SULF1: variants seen among roughly 807,000 people sequenced by gnomAD.
SULF1 encodes the protein sulfatase 1.
A neutral mutation model predicts 110.5 loss-of-function variants in SULF1; 46 were observed. The observed-to-expected ratio is 0.42, with a 90% CI of 0.33 to 0.53. The LOEUF (loss-of-function observed/expected upper bound fraction) is 0.53. Among genes scored for constraint, SULF1 ranks in the 20% least tolerant of loss-of-function variants. SULF1 has a pLI of 0.12. For synonymous variants in SULF1, 371 were observed against 387.1 expected, an observed-to-expected ratio of 0.96 and a Z score of 0.49; for missense variants, 941 against 1,094.2, an observed-to-expected ratio of 0.86 and a Z score of 1.98.
chr8:69,615,532 T>G (rs1809026639), intron 13 of SULF1, among the ~76,000 whole-genome samples: 1 of 152,262 alleles, frequency 6.6e-6, no homozygotes, highest in South Asian at 2.1e-4. Context: ...TAATTGACAT[T>G]TTTGTTCATG....
chr8:69,637,387 G>A (rs1304159198), intron 19 of SULF1, among the ~76,000 whole-genome samples: 1 of 152,140 alleles, frequency 6.6e-6, no homozygotes, highest in Non-Finnish European at 1.5e-5. Flanking sequence ...TTAATGTTGC[G>A]AGTTGTCTCC....
At chr8:69,552,532 A>C (rs1336413018) in intron 3 of SULF1, among the ~76,000 whole-genome samples, 1 of 152,234 alleles carries the variant, frequency 6.6e-6, no homozygotes, top group African/African-American at 2.4e-5. Context: ...GTACATAAGG[A>C]CATTTTTCTT....
intron 19 of SULF1, among the ~76,000 whole-genome samples, chr8:69,634,979 A>T (rs1810870641): frequency 6.6e-6 from 1 of 152,106 alleles, no homozygotes; most frequent in Non-Finnish European, 1.5e-5. Context: ...TATTTTTAGT[A>T]GAGAAGGGGT....
intron 13 of SULF1, among the ~76,000 whole-genome samples, chr8:69,606,604 T>C (rs1466235436): frequency 6.6e-6 from 1 of 152,236 alleles, no homozygotes; most frequent in African/African-American, 2.4e-5. Context: ...TGTGTAATTT[T>C]ACAAACCTCT....
rs186688752 is a variant in SULF1 at position 69,511,896 on chromosome 8, T to C, written c.-134+9928T>C. On this transcript the variant is annotated intron_variant, in intron 3 of 22. Coordinates refer to ENST00000402687, the MANE Select transcript of SULF1 (RefSeq NM_001128205.2). ...AATTAGCCACACTATTTAAATGATC[T>C]AATTTTAAAGCTCCAGGTTAAACAC... is the stretch of plus-strand genomic sequence containing the variant. Among the ~76,000 whole-genome samples the C allele has an allele frequency of 2.5e-3, 383 of 152,358 alleles. 2 individuals carry two copies. The highest frequency in any genetic ancestry group is 4.2e-3 in the Non-Finnish European group (286 of 68,028).
intron 14 of SULF1, among the ~76,000 whole-genome samples, chr8:69,622,584 C>CAA (rs749121767): frequency 8.2e-5 from 11 of 133,836 alleles, no homozygotes; most frequent in African/African-American, 2.7e-4. Context: ...GACTCCGTCT[C>CAA]AAAAAAAAAA....
intron 1 of SULF1, among the ~76,000 whole-genome samples, chr8:69,483,056 C>T (rs965359621): frequency 2.0e-5 from 3 of 152,080 alleles, no homozygotes; most frequent in African/African-American, 7.2e-5. Context: ...AGAGAGGATT[C>T]AAAGTATATC....
chr8:69,493,448 T>TACACACACACACACAC (rs56867664), intron 1 of SULF1, among the ~76,000 whole-genome samples: 9 of 144,386 alleles, frequency 6.2e-5, no homozygotes, highest in African/African-American at 2.3e-4. Flanking sequence ...CACACAACAC[T>TACACACACACACACAC]ACACACACAC....
At chr8:69,529,856 A>G (rs562036847) in intron 3 of SULF1, among the ~76,000 whole-genome samples, 42 of 152,308 alleles carry the variant, frequency 2.8e-4, no homozygotes, top group Non-Finnish European at 5.1e-4. Flanking sequence ...AGCCTCAGAA[A>G]TCACATTCTG....
chr8:69,566,808 C>G (rs1157663225), intron 5 of SULF1, among the ~76,000 whole-genome samples: 2 of 152,180 alleles, frequency 1.3e-5, no homozygotes, highest in African/African-American at 4.8e-5. Context: ...CGAGATCACA[C>G]CATTGCACTC....
At chr8:69,489,936 T>C (rs538289615), upstream of SULF1, among the ~76,000 whole-genome samples, 1 of 152,158 alleles carries the variant, frequency 6.6e-6, no homozygotes, top group East Asian at 1.9e-4. Context: ...ACAAATGTCC[T>C]TTATATAAAA....
At position 69,659,078 on chromosome 8, in the gene SULF1, G is replaced by A. The variant is rs3802278; in HGVS notation, c.*543G>A. 142,538 of 456,742 alleles carry A rather than the reference G, an allele frequency of 0.31. 23,037 individuals carry two copies. The highest frequency in any genetic ancestry group is 0.43 in the Admixed American group (18,119 of 42,578). The allele number at this position is 456,742 out of a possible 1,614,324, so 28.3% of individuals were successfully genotyped here. A position where few individuals can be genotyped will look rare whatever the true frequency, so the allele number is the denominator to read the frequency against. Reference sequence around the variant, plus strand: ...CCCAGCCCCAGGCTGCAGCCCATTCGCAGGCACCCGAAAGAACTTCCCCAG... The same window carrying A: ...CCCAGCCCCAGGCTGCAGCCCATTCACAGGCACCCGAAAGAACTTCCCCAG... On this transcript the variant is annotated 3_prime_UTR_variant, in exon 23 of 23. Coordinates refer to ENST00000402687, the MANE Select transcript of SULF1 (RefSeq NM_001128205.2).
intron 8 of SULF1, among the ~76,000 whole-genome samples, chr8:69,594,711 C>CA (rs548798854): frequency 0.013 from 1,873 of 144,814 alleles, 32 homozygotes; most frequent in African/African-American, 0.037. Context: ...TTAAATTCTA[C>CA]AAAAAAAAAA....
At chr8:69,542,120 G>A (rs1813893578) in intron 3 of SULF1, among the ~76,000 whole-genome samples, 1 of 152,160 alleles carries the variant, frequency 6.6e-6, no homozygotes, top group African/African-American at 2.4e-5. Flanking sequence ...TTCCCAGAGA[G>A]CTGGTGACAT....
At chr8:69,516,803 TATA>T (rs1811954524) in intron 3 of SULF1, among the ~76,000 whole-genome samples, 1 of 152,156 alleles carries the variant, frequency 6.6e-6, no homozygotes, top group Non-Finnish European at 1.5e-5. Context: ...GGTTCTATAT[TATA>T]ATATTACCTA....
chr8:69,529,410 C>T (rs747801548), intron 3 of SULF1, among the ~76,000 whole-genome samples: 5 of 152,152 alleles, frequency 3.3e-5, no homozygotes, highest in East Asian at 1.9e-4. Context: ...GAAACTGAAT[C>T]GCACCTTCAG....
intron 6 of SULF1, among the ~76,000 whole-genome samples, chr8:69,582,315 G>A (rs1806126227): frequency 2.0e-5 from 3 of 152,182 alleles, no homozygotes; most frequent in Admixed American, 2.0e-4. Flanking sequence ...GTGCACAAGT[G>A]CAGAACTCTA....
intron 3 of SULF1, among the ~76,000 whole-genome samples, chr8:69,536,870 A>G (rs1031512484): frequency 4.6e-5 from 7 of 152,066 alleles, no homozygotes; most frequent in Admixed American, 1.3e-4. Context: ...CCTGCTCTTT[A>G]TGGCCCTCCC....
intron 5 of SULF1, among the ~76,000 whole-genome samples, chr8:69,565,672 C>T (rs749229798): frequency 1.3e-5 from 2 of 152,162 alleles, no homozygotes; most frequent in Non-Finnish European, 2.9e-5. Flanking sequence ...CCAGAGTTAT[C>T]TTTCAAGTAT....
Sources: allele counts gnomAD v4.1 joint callset (sites outside exome capture counted in the v4.1 genomes callset), GRCh38; gene constraint gnomAD v4.1.1; transcripts MANE v1.5; gene names NCBI Gene and HGNC (gene_info 2026-07-23, HGNC 2026-07-21).